MED23: variants seen among roughly 807,000 people sequenced by gnomAD.
MED23 encodes the protein mediator of RNA polymerase II transcription subunit 23.
In MED23, 105 loss-of-function variants were observed where a neutral mutation model predicts 163.9. That is an observed-to-expected ratio of 0.64 (90% confidence interval 0.55 to 0.75). The LOEUF (loss-of-function observed/expected upper bound fraction) is 0.75, where lower values mean the gene tolerates loss of function less well. Ranked by LOEUF, MED23 falls within the 30% of genes least tolerant of loss-of-function variation. The pLI, the probability that MED23 is intolerant of heterozygous loss-of-function variation, is 0.00. For synonymous variants in MED23, 561 were observed against 565.6 expected (o/e 0.99, Z 0.12); for missense variants, 1,054 against 1,649.0 (o/e 0.64, Z 6.25).
rs1183886186 is a variant in MED23 at position 131,596,472 on chromosome 6, G to C, written c.2778+46C>G. On this transcript the variant is annotated intron_variant, in intron 21 of 28. Coordinates refer to ENST00000368068, the MANE Select transcript of MED23 (RefSeq NM_004830.4). Reference sequence around the variant, plus strand: ...CCAAATCACTTCATCAAATACTCAAGTATGGCTTTAAAAGGACTATTTGAA... The same window carrying C: ...CCAAATCACTTCATCAAATACTCAACTATGGCTTTAAAAGGACTATTTGAA... The C allele has an allele frequency of 1.9e-6, 3 of 1,596,422 alleles. No homozygotes were observed. The East Asian group carries it at 6.7e-5, about 36-fold the overall frequency.
downstream of MED23, among the ~76,000 whole-genome samples, chr6:131,581,819 T>A (rs1217222970): frequency 6.6e-6 from 1 of 152,218 alleles, no homozygotes; most frequent in East Asian, 1.9e-4. Flanking sequence ...AAAAAAGAAA[T>A]TTTAAAATTT....
intron 22 of MED23, among the ~76,000 whole-genome samples, chr6:131,594,597 T>C (rs907500989): frequency 6.6e-6 from 1 of 152,206 alleles, no homozygotes; most frequent in African/African-American, 2.4e-5. Context: ...TTATCCTGCA[T>C]AAATTTTAAT....
rs1777155051 is a variant in MED23 at position 131,622,113 on chromosome 6, T to G, written c.397-134A>C. On this transcript the variant is annotated intron_variant, in intron 5 of 28. Coordinates refer to ENST00000368068, the MANE Select transcript of MED23 (RefSeq NM_004830.4). ...TTTTCTGAATCAGTTACAATCTAAG[T>G]CCCTAACATTAACCCAACAGAAGAG... 4.8e-5 allele frequency: 30 copies of G among 624,512 alleles called. No individual in the cohort carries two copies. In the South Asian group the frequency reaches 5.9e-4, roughly 12 times the overall value. 38.7% of individuals were successfully genotyped at this position (624,512 alleles called of 1,614,324 possible). A position where few individuals can be genotyped will look rare whatever the true frequency, so the allele number is the denominator to read the frequency against.
intron 9 of MED23, 135 bp from the exon 10 acceptor site, chr6:131,616,137 AT>A: frequency 1.4e-6 from 1 of 728,400 alleles, no homozygotes; most frequent in South Asian, 1.5e-5. Flanking sequence ...TGGGAAAAAA[AT>A]CATAGGATTT....
intron 30 of MED23, among the ~76,000 whole-genome samples, chr6:131,580,927 TA>T (rs1349476439): frequency 1.3e-5 from 2 of 152,256 alleles, no homozygotes; most frequent in Non-Finnish European, 2.9e-5. Context: ...TATACTCATT[TA>T]TTTTTTTGGC....
chr6:131,598,798 A>C lies in MED23; in HGVS notation c.2221-37T>G. 6.3e-7 allele frequency: 1 copy of C among 1,579,930 alleles called. No individual in the cohort carries two copies. Among genetic ancestry groups the C allele is most frequent in the Non-Finnish European group, 8.7e-7 (1 of 1,149,022 alleles). On this transcript the variant is annotated intron_variant, in intron 18 of 28. Transcript: ENST00000368068. This position sits in a 1 kb window ranked among gnomAD's most constrained non-coding sequence, Gnocchi z 4.7. ...ATTAGAAGTTTATTTCATTGGTTAT[A>C]GTAGAAAGAGCACTGGATATGGAGT...
At chr6:131,596,196 G>A (rs1228583923) in intron 21 of MED23, 33 bp from the exon 22 acceptor site, 1 of 1,584,026 alleles carries the variant, frequency 6.3e-7, no homozygotes. Context: ...AATGGTTAGA[G>A]CATTTTTTAA....
intron 21 of MED23, 121 bp from the exon 22 acceptor site, chr6:131,596,284 G>T: frequency 1.0e-6 from 1 of 966,424 alleles, no homozygotes; most frequent in Non-Finnish European, 1.6e-6. Context: ...AATTATACTT[G>T]ATTATACTTT....
intron 1 of MED23, 144 bp downstream of exon 1, chr6:131,627,866 TC>T: frequency 1.7e-6 from 2 of 1,172,424 alleles, no homozygotes; most frequent in East Asian, 2.3e-5. Flanking sequence ...TCACTAAACT[TC>T]CCCGCATACA....
At chr6:131,582,239 T>C (rs1392358946), downstream of MED23, among the ~76,000 whole-genome samples, 1 of 152,152 alleles carries the variant, frequency 6.6e-6, no homozygotes, top group Non-Finnish European at 1.5e-5. Flanking sequence ...ACATTAAGAA[T>C]AACCAAAGGA....
chr6:131,615,429 G>T, intron 10 of MED23: 1 of 1,322,204 alleles, frequency 7.6e-7, no homozygotes, highest in Non-Finnish European at 1.1e-6. Flanking sequence ...TGACTATGAG[G>T]CCAGCCTCAA....
rs1458035089 is a variant in MED23, at chr6:131,587,127, T to C, written c.*552A>G. 8.1e-7 allele frequency: 1 copy of C among 1,238,080 alleles called. No individual in the cohort carries two copies. 76.7% of individuals were successfully genotyped at this position (1,238,080 alleles called of 1,614,324 possible). ...GACCTTGATAGAAACTATGGAAATT[T>C]ATAATAAAATTTCAAGTCATTTTAA... is the stretch of plus-strand genomic sequence containing the variant. On this transcript the variant is annotated 3_prime_UTR_variant, in exon 29 of 29. Coordinates refer to ENST00000368068, the MANE Select transcript of MED23 (RefSeq NM_004830.4).
chr6:131,583,131 T>G (rs764066842), downstream of MED23: 3 of 1,613,922 alleles, frequency 1.9e-6, no homozygotes, highest in Non-Finnish European at 2.5e-6. Flanking sequence ...ATTGGCAAGG[T>G]GATGGAAGAA....
chr6:131,577,147 G>A (rs185108701), intron 30 of MED23, among the ~76,000 whole-genome samples: 2 of 152,268 alleles, frequency 1.3e-5, no homozygotes, highest in East Asian at 3.9e-4. Flanking sequence ...TAGTGTGGGC[G>A]CAGTGTGTAT....
chr6:131,594,453 C>A lies in MED23; in HGVS notation c.2996-118G>T, dbSNP rs1774890963. 3 of 822,036 alleles carry A rather than the reference C, an allele frequency of 3.6e-6. No individual in the cohort carries two copies. The East Asian group carries it at 7.3e-5, about 20-fold the overall frequency. 50.9% of individuals were successfully genotyped at this position (822,036 alleles called of 1,614,324 possible). On this transcript the variant is annotated intron_variant, in intron 22 of 28. Coordinates refer to ENST00000368068, the MANE Select transcript of MED23 (RefSeq NM_004830.4). ...GCTCAGAAGATTTATGAAACAACTT[C>A]ACATGCTGGGCAATTGTATACTATG...
At position 131,615,503 on chromosome 6, in the gene MED23, C is replaced by CAAAAAAAAAAAAAA. The variant is rs917020235; in HGVS notation, c.876+390_876+403dup. 9.2e-4 allele frequency among the ~76,000 whole-genome samples: 13 copies of CAAAAAAAAAAAAAA among 14,160 alleles called. 2 individuals carry two copies. In the East Asian group the frequency reaches 0.01, roughly 11 times the overall value. The allele number at this position is 14,160 out of a possible 152,430, so 9.3% of individuals were successfully genotyped here. ...CCACCAAAAACAAGCAAACACACAC[C>CAAAAAAAAAAAAAA]AAAAAAAAAAAAAAAAAAAAAAAAA... On this transcript the variant is annotated intron_variant, in intron 10 of 28. Coordinates refer to ENST00000368068, the MANE Select transcript of MED23 (RefSeq NM_004830.4).
intron 10 of MED23, among the ~76,000 whole-genome samples, chr6:131,611,903 A>G (rs1776302446): frequency 6.6e-6 from 1 of 152,174 alleles, no homozygotes; most frequent in Non-Finnish European, 1.5e-5. Context: ...TTCCTTTTTT[A>G]GTATTAGCTA....
intron 10 of MED23, 36 bp from the exon 11 acceptor site, chr6:131,610,282 C>G (rs1776183790): frequency 6.2e-7 from 1 of 1,601,520 alleles, no homozygotes; most frequent in Non-Finnish European, 8.5e-7. Context: ...ATTCCAAAAG[C>G]CTCTCGGTTA....
chr6:131,609,233 C>T (rs1585525721), intron 11 of MED23, among the ~76,000 whole-genome samples: 3 of 152,128 alleles, frequency 2.0e-5, no homozygotes, highest in East Asian at 3.9e-4. Context: ...GCATTGCCTC[C>T]AAAACAAAAT....
Sources: gnomAD v4.1 joint callset for allele counts (sites outside exome capture counted in the v4.1 genomes callset) on GRCh38, gnomAD v4.1.1 for gene constraint, Gnocchi (gnomAD v3.1) non-coding constraint, MANE v1.5 for transcripts, NCBI Gene and HGNC (gene_info 2026-07-23, HGNC 2026-07-21) for gene names.